PLXND1: variants seen among roughly 807,000 people sequenced by gnomAD.
The protein encoded by PLXND1 is plexin-D1.
A neutral mutation model predicts 197.7 loss-of-function variants in PLXND1; 54 were observed. That is an observed-to-expected ratio of 0.27 (90% CI 0.22 to 0.34). The LOEUF (loss-of-function observed/expected upper bound fraction) is 0.34, where lower values mean the gene tolerates loss of function less well. PLXND1 is among the 10% of genes least tolerant of loss of function. The probability of loss-of-function intolerance (pLI) is 1.00; values close to 1 mark genes in which losing one functional copy is unlikely to be tolerated. For missense variants in PLXND1, 2,127 were observed against 2,699.2 expected (o/e 0.79, Z 4.70); for synonymous variants, 1,180 against 1,161.2 (o/e 1.02, Z -0.33).
rs200902398 is a variant in PLXND1 at position 129,562,780 on chromosome 3, C to A, written c.4825+7G>T. 44 of 1,587,914 alleles carry A rather than the reference C, an allele frequency of 2.8e-5. No individual in the cohort carries two copies. Among genetic ancestry groups the A allele is most frequent in the Non-Finnish European group, 3.7e-5 (43 of 1,159,426 alleles). On this transcript the variant is annotated splice_region_variant and intron_variant, in intron 27 of 35. Transcript: ENST00000324093. ...GACACGGGGTCTCTGCCCCCATTCC[C>A]ACCCACCAAGGTCGACGTCCTCTGC...
At chr3:129,588,878 G>C (rs1462861005) in intron 2 of PLXND1, among the ~76,000 whole-genome samples, 1 of 152,204 alleles carries the variant, frequency 6.6e-6, no homozygotes, top group Non-Finnish European at 1.5e-5. Context: ...AGTCACCCTG[G>C]GACGGGGTGG....
chr3:129,580,076 C>T (rs748016037), intron 8 of PLXND1, among the ~76,000 whole-genome samples: 15 of 152,166 alleles, frequency 9.9e-5, no homozygotes, highest in Admixed American at 2.6e-4. Context: ...ATCATTACAC[C>T]CACTTTACAG....
In PLXND1 at chr3:129,605,355, C is replaced by T. The variant is rs1274740904; in HGVS notation, c.1285G>A (p.Ala429Thr). ...TGGATGTTGAGCTTGCGCTCACAGG[C>T]CGGTCCCGTGCCCTGCACCACGCTG... ...LDSVVQGTGP[A>T]CERKLNIQLQ... Residue 429 changes from alanine (A) to threonine (T), a missense_variant, in exon 1 of 36, where the codon GCC becomes ACC. Physicochemically the swap from Ala to Thr is moderately conservative, Grantham distance 58. Coordinates refer to ENST00000324093, the MANE Select transcript of PLXND1 (RefSeq NM_015103.3). The T allele has an allele frequency of 6.8e-7, 1 of 1,468,504 alleles. No individual in the cohort carries two copies. The highest frequency in any genetic ancestry group is 3.0e-5 in the East Asian group (1 of 33,716). The allele number at this position is 1,468,504 out of a possible 1,614,324, so 91.0% of individuals were successfully genotyped here.
chr3:129,599,729 C>A (rs552874329), intron 1 of PLXND1, among the ~76,000 whole-genome samples: 1 of 152,326 alleles, frequency 6.6e-6, no homozygotes, highest in South Asian at 2.1e-4. Context: ...TGCCCCAGCC[C>A]GCCTGAGTCA....
chr3:129,557,055 C>A lies in PLXND1; in HGVS notation c.5586+28G>T. On this transcript the variant is annotated intron_variant, in intron 34 of 35. Transcript: ENST00000324093. The surrounding 1 kb of genome is among the most constrained non-coding windows in gnomAD (Gnocchi z 4.8). The stretch of plus-strand genomic sequence containing the variant: ...CCCCGATCCCTCAGCTCTTCAGGCC[C>A]CCATCCCCCGCCGCCGAGCCACCGC... 6.2e-7 allele frequency: 1 copy of A among 1,611,554 alleles called. No individual in the cohort carries two copies. Among genetic ancestry groups the A allele is most frequent in the Non-Finnish European group, 8.5e-7 (1 of 1,179,578 alleles).
At chr3:129,597,620 G>A (rs745802775) in intron 1 of PLXND1, among the ~76,000 whole-genome samples, 6 of 152,378 alleles carry the variant, frequency 3.9e-5, no homozygotes, top group African/African-American at 1.4e-4. Context: ...TCAGGGTAAA[G>A]GACGGTGGAC....
chr3:129,601,224 A>G (rs2085702883), intron 1 of PLXND1, among the ~76,000 whole-genome samples: 1 of 152,182 alleles, frequency 6.6e-6, no homozygotes, highest in South Asian at 2.1e-4. Context: ...TGCCCCAAAT[A>G]CGTTGAAAAC....
Position 129,589,470 on chromosome 3 carries a change from G to A in PLXND1, c.1369C>T (p.Leu457=), listed in dbSNP as rs1368156947. 1.2e-6 allele frequency: 2 copies of A among 1,610,340 alleles called. No homozygotes were observed. Among genetic ancestry groups the A allele is most frequent in the African/African-American group, 2.7e-5 (2 of 74,954 alleles). ...AAHLQHPLSI[L]QPLKATPVFR... is the part of the protein sequence containing the mutation. ...ACGGGCGTGGCCTTCAGGGGCTGCA[G>A]GATGGACAGCGGGTGCTGCAGGTGA... Residue 457 remains leucine (L), a synonymous_variant, in exon 2 of 36, where the codon CTG becomes TTG. Coordinates refer to ENST00000324093, the MANE Select transcript of PLXND1 (RefSeq NM_015103.3).
chr3:129,597,947 G>C (rs1165097732), intron 1 of PLXND1, among the ~76,000 whole-genome samples: 1 of 152,230 alleles, frequency 6.6e-6, no homozygotes, highest in African/African-American at 2.4e-5. Context: ...TCCAGCCACA[G>C]TGGGGGCTCC....
chr3:129,562,531 C>A, intron 27 of PLXND1: 2 of 407,142 alleles, frequency 4.9e-6, no homozygotes, highest in South Asian at 1.1e-4. Flanking sequence ...AACAAACCAA[C>A]CCTACTCCAG....
rs369906857 is a variant in PLXND1 at position 129,575,881 on chromosome 3, G to A, written c.2347-26C>T. 62 of 1,453,108 alleles carry A rather than the reference G, an allele frequency of 4.3e-5. No individual in the cohort carries two copies. In the African/African-American group the frequency reaches 6.7e-4, roughly 16 times the overall value. 90.0% of individuals were successfully genotyped at this position (1,453,108 alleles called of 1,614,324 possible). On this transcript the variant is annotated intron_variant, in intron 9 of 35. Coordinates refer to ENST00000324093, the MANE Select transcript of PLXND1 (RefSeq NM_015103.3). Reference sequence around the variant, plus strand: ...CTGTGGGAAACAGGGAGTGGGAGGCGGGTTTGAGGAGAACCAAGCCAGCAT... The same window carrying A: ...CTGTGGGAAACAGGGAGTGGGAGGCAGGTTTGAGGAGAACCAAGCCAGCAT...
chr3:129,560,719 T>A lies in PLXND1; in HGVS notation c.4998A>T (p.Lys1666Asn). 1.9e-6 allele frequency: 3 copies of A among 1,594,842 alleles called. No homozygotes were observed. Among genetic ancestry groups the A allele is most frequent in the Non-Finnish European group, 1.7e-6 (2 of 1,162,828 alleles). ...DKKDNTLGRV[K>N]DLDTEKYFHL... ...GGAAATACTTCTCTGTGTCCAAGTC[T>A]TTCACTGTGAGAGGAAAAACACAAT... The change falls in exon 30 of 36, where the codon AAA (lysine) becomes AAT (asparagine). Residue 1666 changes from lysine to asparagine, a missense_variant. Lys to Asn is a moderately conservative substitution (Grantham distance 94). This residue lies in a region of PLXND1 where 53 missense variants were observed against 41.4 expected (regional missense o/e 1.28). Transcript: ENST00000324093.
At chr3:129,566,174 T>C (rs2085138030) in intron 23 of PLXND1, 157 bp from the exon 24 acceptor site, 4 of 711,498 alleles carry the variant, frequency 5.6e-6, no homozygotes, top group South Asian at 1.8e-5. Context: ...CAGGGAACAA[T>C]AGCTTGGTTG....
intron 20 of PLXND1, among the ~76,000 whole-genome samples, chr3:129,568,609 C>T (rs184877909): frequency 3.9e-5 from 6 of 152,248 alleles, no homozygotes; most frequent in Admixed American, 2.6e-4. Flanking sequence ...AGTACAGTGG[C>T]GCGATCACAT....
At chr3:129,560,138 G>A (rs1378396789) in intron 31 of PLXND1, among the ~76,000 whole-genome samples, 192 bp downstream of exon 31, 1 of 152,234 alleles carries the variant, frequency 6.6e-6, no homozygotes, top group Non-Finnish European at 1.5e-5. Context: ...TTTCCTGGCT[G>A]TGAGAAATGC....
At chr3:129,589,314 A>AACCCC in intron 2 of PLXND1, 37 bp downstream of exon 2, 3 of 346,834 alleles carry the variant, frequency 8.6e-6, no homozygotes, top group Non-Finnish European at 5.7e-6. Context: ...GGAGCCTCCC[A>AACCCC]CCCCCACCCC....
intron 2 of PLXND1, among the ~76,000 whole-genome samples, chr3:129,587,471 G>T (rs2085478713): frequency 6.6e-6 from 1 of 152,178 alleles, no homozygotes; most frequent in Admixed American, 6.5e-5. Flanking sequence ...GACAATACCG[G>T]TCAGAGCCCC....
At position 129,573,753 on chromosome 3, in the gene PLXND1, G is replaced by A; in HGVS notation, c.2686-8C>T. ...GCCACTCAGGGGCTCAATCTGCCAGGTGACCCGAGAGAGGGGCGAATGGGA... is the reference window on the plus strand; with the variant it reads ...GCCACTCAGGGGCTCAATCTGCCAGATGACCCGAGAGAGGGGCGAATGGGA... On this transcript the variant is annotated splice_region_variant and splice_polypyrimidine_tract_variant and intron_variant, in intron 12 of 35. Transcript: ENST00000324093. 2 of 1,612,454 alleles carry A rather than the reference G, an allele frequency of 1.2e-6. No individual in the cohort carries two copies. The highest frequency in any genetic ancestry group is 1.1e-5 in the South Asian group (1 of 90,880).
intron 1 of PLXND1, 44 bp from the exon 2 acceptor site, chr3:129,589,571 T>C (rs770939270): frequency 1.3e-5 from 20 of 1,490,376 alleles, no homozygotes; most frequent in Non-Finnish European, 1.6e-5. Flanking sequence ...CAGAACCTTC[T>C]CCGGCTCCCC....
Sources: gnomAD v4.1 joint callset for allele counts (sites outside exome capture counted in the v4.1 genomes callset) on GRCh38, gnomAD v4.1.1 for gene constraint, gnomAD v4.1.1 regional missense constraint, Gnocchi (gnomAD v3.1) non-coding constraint, MANE v1.5 for transcripts, NCBI Gene and HGNC (gene_info 2026-07-23, HGNC 2026-07-21) for gene names.